The following KCNIP4 variants were observed in gnomAD, a reference collection of about 807,000 sequenced individuals.
The protein encoded by KCNIP4 is potassium voltage-gated channel interacting protein 4.
In KCNIP4, 12 loss-of-function variants were observed where a neutral mutation model predicts 34.0. The ratio of observed to expected loss-of-function variants is 0.35; its 90% CI spans 0.23 to 0.57. The LOEUF (loss-of-function observed/expected upper bound fraction) is 0.57. Ranked by LOEUF, KCNIP4 falls within the 20% of genes least tolerant of loss-of-function variation. KCNIP4 has a pLI of 0.83. For missense variants in KCNIP4, 238 were observed against 311.7 expected (o/e 0.76, Z 1.78); for synonymous variants, 124 against 102.2 (o/e 1.21, Z -1.29).
intron 1 of KCNIP4, among the ~76,000 whole-genome samples, chr4:21,119,987 G>A (rs1362743082): frequency 1.3e-5 from 2 of 152,306 alleles, no homozygotes; most frequent in East Asian, 1.9e-4. Context: ...TGAGCAGGGT[G>A]TGAGACTCCT....
chr4:21,220,905 T>A (rs1462831127), intron 1 of KCNIP4, among the ~76,000 whole-genome samples: 2 of 152,030 alleles, frequency 1.3e-5, no homozygotes, highest in African/African-American at 4.8e-5. Context: ...AATGGAGAAA[T>A]GTCTTTCAGA....
At chr4:21,732,766 T>C (rs1715704830) in intron 1 of KCNIP4, among the ~76,000 whole-genome samples, 1 of 152,146 alleles carries the variant, frequency 6.6e-6, no homozygotes, top group Non-Finnish European at 1.5e-5. Context: ...TGCTGAAAAG[T>C]GATACTCTGT....
intron 1 of KCNIP4, among the ~76,000 whole-genome samples, chr4:21,335,806 A>T (rs184411712): frequency 1.5e-3 from 223 of 152,292 alleles, no homozygotes; most frequent in African/African-American, 5.1e-3. Context: ...ATTAATTTTC[A>T]AACCTTATTA....
At chr4:20,908,842 C>A (rs887853202) in intron 1 of KCNIP4, among the ~76,000 whole-genome samples, 2 of 152,176 alleles carry the variant, frequency 1.3e-5, no homozygotes, top group Admixed American at 6.5e-5. Flanking sequence ...TCATTTAGTT[C>A]TTTGAGAGGT....
chr4:21,755,644 T>A (rs1717456375), intron 1 of KCNIP4, among the ~76,000 whole-genome samples: 1 of 152,076 alleles, frequency 6.6e-6, no homozygotes, highest in Non-Finnish European at 1.5e-5. Context: ...TATTTAGACA[T>A]AACTAATGGA....
At chr4:21,704,830 C>T (rs1713139981) in intron 1 of KCNIP4, among the ~76,000 whole-genome samples, 1 of 152,078 alleles carries the variant, frequency 6.6e-6, no homozygotes, top group African/African-American at 2.4e-5. Context: ...TCCGAACATA[C>T]ATCACCTACA....
chr4:21,375,822 C>T (rs1338924279), intron 1 of KCNIP4, among the ~76,000 whole-genome samples: 1 of 152,198 alleles, frequency 6.6e-6, no homozygotes, highest in African/African-American at 2.4e-5. Context: ...CCGCCTCAGC[C>T]TCCCAAAGTG....
intron 3 of KCNIP4, among the ~76,000 whole-genome samples, chr4:20,792,483 C>T (rs147866332): frequency 5.7e-4 from 86 of 151,892 alleles, no homozygotes; most frequent in African/African-American, 2.0e-3. Flanking sequence ...GGGATAAATG[C>T]CACAAATAAA....
chr4:21,730,667 G>T (rs1374770689), intron 1 of KCNIP4, among the ~76,000 whole-genome samples: 10 of 152,298 alleles, frequency 6.6e-5, no homozygotes, highest in Admixed American at 6.5e-4. Flanking sequence ...AGTCACGGAT[G>T]TGCCAGCCAA....
In KCNIP4 at chr4:21,037,583, T is replaced by C. The variant is rs114717916; in HGVS notation, c.62-154874A>G. On this transcript the variant is annotated intron_variant, in intron 1 of 8. Transcript: ENST00000382152. ...AGTATGCTCTATGATGTTCACACAA[T>C]GACGAAATTATGTAATGATGCATTT... Among the ~76,000 whole-genome samples the C allele has an allele frequency of 7.2e-3, 1,094 of 152,324 alleles. 15 individuals are homozygous for C. Among genetic ancestry groups the C allele is most frequent in the African/African-American group, 0.025 (1,043 of 41,578 alleles).
intron 1 of KCNIP4, among the ~76,000 whole-genome samples, chr4:21,387,878 G>C (rs1056579432): frequency 1.3e-5 from 2 of 152,162 alleles, no homozygotes; most frequent in African/African-American, 4.8e-5. Context: ...ACTATGACAG[G>C]TGTGGTGCTA....
intron 1 of KCNIP4, among the ~76,000 whole-genome samples, chr4:20,970,131 C>T (rs987676352): frequency 4.6e-5 from 7 of 151,910 alleles, no homozygotes; most frequent in African/African-American, 1.4e-4. Flanking sequence ...TTAGTAAATA[C>T]GGGGTTTCAC....
chr4:20,909,359 G>A (rs145980126), intron 1 of KCNIP4, among the ~76,000 whole-genome samples: 260 of 152,184 alleles, frequency 1.7e-3, no homozygotes, highest in African/African-American at 6.1e-3. Context: ...AGTGCACCAC[G>A]CTTCCCATCA....
intron 1 of KCNIP4, among the ~76,000 whole-genome samples, chr4:21,081,769 G>C (rs1249452946): frequency 1.3e-5 from 2 of 151,664 alleles, no homozygotes; most frequent in African/African-American, 4.9e-5. Flanking sequence ...TTGCTGATAA[G>C]AGCAATGAAT....
chr4:21,575,661 T>C (rs1740696961), intron 1 of KCNIP4, among the ~76,000 whole-genome samples: 1 of 152,196 alleles, frequency 6.6e-6, no homozygotes, highest in Admixed American at 6.5e-5. Context: ...TATTGTACTA[T>C]ACTGAGACTC....
chr4:21,558,893 A>G (rs1739292032), intron 1 of KCNIP4, among the ~76,000 whole-genome samples: 4 of 152,094 alleles, frequency 2.6e-5, no homozygotes. Context: ...TTGGAAATTT[A>G]TTTTCTGATA....
chr4:21,220,941 T>A (rs1757940906), intron 1 of KCNIP4, among the ~76,000 whole-genome samples: 1 of 152,018 alleles, frequency 6.6e-6, no homozygotes, highest in Non-Finnish European at 1.5e-5. Context: ...AAGGTAGGGA[T>A]GAAAGTTTAT....
intron 1 of KCNIP4, among the ~76,000 whole-genome samples, chr4:21,635,745 T>C (rs1192150554): frequency 6.6e-6 from 1 of 152,098 alleles, no homozygotes. Context: ...TCCTCAGGGA[T>C]CTAGAACTGG....
At chr4:21,262,227 A>G (rs532665043) in intron 1 of KCNIP4, among the ~76,000 whole-genome samples, 1 of 151,992 alleles carries the variant, frequency 6.6e-6, no homozygotes, top group Admixed American at 6.6e-5. Flanking sequence ...TTTTGATGTC[A>G]TCTCATCAGA....
Sources: gnomAD v4.1 joint callset for allele counts (sites outside exome capture counted in the v4.1 genomes callset) on GRCh38, gnomAD v4.1.1 for gene constraint, MANE v1.5 for transcripts, NCBI Gene and HGNC (gene_info 2026-07-23, HGNC 2026-07-21) for gene names.